RNF175: variants seen among roughly 807,000 people sequenced by gnomAD.
RNF175 encodes the protein ring finger protein 175.
In RNF175, 38 loss-of-function variants were observed where a neutral mutation model predicts 50.0. That is an observed-to-expected ratio of 0.76 (90% CI 0.59 to 1.00). RNF175 has a LOEUF of 1.00. RNF175 is among the 50% of genes least tolerant of loss of function. The pLI, the probability that RNF175 is intolerant of heterozygous loss-of-function variation, is 0.00. For synonymous variants in RNF175, 155 were observed against 146.1 expected (o/e 1.06, Z -0.44); for missense variants, 388 against 409.6 (o/e 0.95, Z 0.46).
chr4:153,724,949 G>A lies in RNF175; in HGVS notation c.402-1491C>T, dbSNP rs565341563. On this transcript the variant is annotated intron_variant, in intron 4 of 8. Transcript: ENST00000347063. ...AGAGGTGAGCTACGTGGGGGAGTGG[G>A]CAGGGGTGAGCTACGTGGGGGAGCG... 1.0e-4 allele frequency among the ~76,000 whole-genome samples: 15 copies of A among 145,890 alleles called. No homozygotes were observed. In the East Asian group the frequency reaches 2.9e-3, roughly 29 times the overall value.
chr4:153,756,556 C>T (rs77424162), intron 1 of RNF175, among the ~76,000 whole-genome samples: 349 of 152,268 alleles, frequency 2.3e-3, no homozygotes, highest in African/African-American at 8.0e-3. Flanking sequence ...ATAAATGCCT[C>T]ACAAACATGC....
At chr4:153,744,780 T>C (rs1739880995) in intron 3 of RNF175, among the ~76,000 whole-genome samples, 1 of 152,204 alleles carries the variant, frequency 6.6e-6, no homozygotes, top group African/African-American at 2.4e-5. Context: ...TGAGGTTTGA[T>C]TCTAGTTTCA....
At chr4:153,725,693 C>T (rs778284769) in intron 4 of RNF175, among the ~76,000 whole-genome samples, 12 of 152,188 alleles carry the variant, frequency 7.9e-5, no homozygotes, top group Non-Finnish European at 7.3e-5. Context: ...ATTTACTTGG[C>T]ATTCCTTCCT....
chr4:153,722,282 C>T (rs1158991058), intron 5 of RNF175, among the ~76,000 whole-genome samples: 2 of 152,166 alleles, frequency 1.3e-5, no homozygotes, highest in East Asian at 3.8e-4. Context: ...AGTGGGAGCA[C>T]AGCTGTTGGT....
intron 3 of RNF175, among the ~76,000 whole-genome samples, chr4:153,733,362 C>A (rs1329898038): frequency 6.6e-6 from 1 of 152,146 alleles, no homozygotes; most frequent in Non-Finnish European, 1.5e-5. Context: ...AAGTGCACTT[C>A]CTACTTTTTT....
At chr4:153,711,947 G>C (rs551072061) in intron 8 of RNF175, among the ~76,000 whole-genome samples, 1 of 152,186 alleles carries the variant, frequency 6.6e-6, no homozygotes, top group African/African-American at 2.4e-5. Context: ...CCTAAGAAGA[G>C]ATGATGCATG....
At chr4:153,725,751 G>T (rs1738659879) in intron 4 of RNF175, among the ~76,000 whole-genome samples, 1 of 152,168 alleles carries the variant, frequency 6.6e-6, no homozygotes, top group Non-Finnish European at 1.5e-5. Context: ...TCCTAAAGTT[G>T]TTCTGAAGGT....
At chr4:153,755,911 CAT>C (rs1418624711) in intron 1 of RNF175, among the ~76,000 whole-genome samples, 3 of 152,096 alleles carry the variant, frequency 2.0e-5, no homozygotes, top group Non-Finnish European at 2.9e-5. Context: ...ATTTTCATGA[CAT>C]ATTCTGAACA....
intron 8 of RNF175, among the ~76,000 whole-genome samples, chr4:153,711,266 T>C (rs867956431): frequency 2.0e-5 from 3 of 152,098 alleles, no homozygotes; most frequent in Non-Finnish European, 4.4e-5. Context: ...GGACAGTGGA[T>C]GAACAGGAAG....
chr4:153,743,232 G>A (rs1300861002), intron 3 of RNF175, among the ~76,000 whole-genome samples: 1 of 152,198 alleles, frequency 6.6e-6, no homozygotes, highest in Non-Finnish European at 1.5e-5. Flanking sequence ...ATCACCAAGA[G>A]TGGCTGAAAT....
intron 3 of RNF175, among the ~76,000 whole-genome samples, chr4:153,735,208 A>G (rs1739290160): frequency 6.7e-6 from 1 of 149,604 alleles, no homozygotes; most frequent in East Asian, 1.9e-4. Flanking sequence ...GGTGTATTGT[A>G]TGTTCTGTGT....
intron 8 of RNF175, among the ~76,000 whole-genome samples, chr4:153,711,165 T>G (rs780910934): frequency 2.0e-5 from 3 of 152,190 alleles, no homozygotes; most frequent in Non-Finnish European, 4.4e-5. Flanking sequence ...ATCACCAATT[T>G]TATAACAAAG....
intron 2 of RNF175, among the ~76,000 whole-genome samples, chr4:153,749,734 A>G (rs1285498638): frequency 2.0e-5 from 3 of 152,126 alleles, no homozygotes; most frequent in Non-Finnish European, 4.4e-5. Context: ...AAAAAATCTT[A>G]ACCCCCCATA....
chr4:153,734,832 C>T (rs368759761), intron 3 of RNF175, among the ~76,000 whole-genome samples: 42 of 151,972 alleles, frequency 2.8e-4, no homozygotes, highest in Admixed American at 2.5e-3. Flanking sequence ...CCCGCCACCA[C>T]ACCCAGCTAA....
chr4:153,733,144 A>G (rs961476389), intron 3 of RNF175, among the ~76,000 whole-genome samples: 2 of 152,182 alleles, frequency 1.3e-5, no homozygotes, highest in Non-Finnish European at 2.9e-5. Context: ...ACCACCTCAG[A>G]AGACGGGCAT....
rs956956241 is a variant in RNF175 at position 153,759,848 on chromosome 4, C to T, written c.15G>A (p.Thr5=). Residue 5 remains threonine, a synonymous_variant, in exon 1 of 9, where the codon ACG becomes ACA. Transcript: ENST00000347063. ...GCACCGGCGCTGCCTTCCGCGCCGCCGTCCCCGCGGCCATGCCTGAGCCAC... is the reference window on the plus strand; with the variant it reads ...GCACCGGCGCTGCCTTCCGCGCCGCTGTCCCCGCGGCCATGCCTGAGCCAC... MAAG[T]AARKAAPVLE... 2 of 1,459,270 alleles carry T rather than the reference C, an allele frequency of 1.4e-6. No homozygotes were observed. Among genetic ancestry groups the T allele is most frequent in the Non-Finnish European group, 1.8e-6 (2 of 1,113,086 alleles). 90.4% of individuals were successfully genotyped at this position (1,459,270 alleles called of 1,614,324 possible).
chr4:153,759,659 C>T (rs1740729205), intron 1 of RNF175, 138 bp downstream of exon 1: 2 of 535,074 alleles, frequency 3.7e-6, no homozygotes. Context: ...ATGCGTCCGT[C>T]CCCACGTCTT....
chr4:153,746,204 G>A (rs1434280751), intron 3 of RNF175, among the ~76,000 whole-genome samples: 1 of 152,184 alleles, frequency 6.6e-6, no homozygotes, highest in Admixed American at 6.5e-5. Context: ...TTCCAAAAGG[G>A]AGAAATAGGC....
intron 1 of RNF175, among the ~76,000 whole-genome samples, chr4:153,751,829 C>A (rs978747457): frequency 1.3e-5 from 2 of 152,220 alleles, no homozygotes; most frequent in Admixed American, 6.5e-5. Flanking sequence ...TGAGTCTGAG[C>A]ATCCCTAAAA....
Sources: gnomAD v4.1 joint callset for allele counts (sites outside exome capture counted in the v4.1 genomes callset) on GRCh38, gnomAD v4.1.1 for gene constraint, MANE v1.5 for transcripts, NCBI Gene and HGNC (gene_info 2026-07-23, HGNC 2026-07-21) for gene names.